Variants in BMPR1B observed in about 807,000 individuals in gnomAD.
BMPR1B encodes bone morphogenetic protein receptor type-1B.
A neutral mutation model predicts 59.1 loss-of-function variants in BMPR1B; 12 were observed. The observed-to-expected ratio is 0.20, with a 90% confidence interval of 0.13 to 0.33. The LOEUF (loss-of-function observed/expected upper bound fraction) is 0.33. Ranked by LOEUF, BMPR1B falls within the 10% of genes least tolerant of loss-of-function variation. The pLI, the probability that BMPR1B is intolerant of heterozygous loss-of-function variation, is 1.00. For missense variants in BMPR1B, 550 were observed against 610.9 expected (o/e 0.90, Z 1.05); for synonymous variants, 237 against 207.3 (o/e 1.14, Z -1.23).
intron 3 of BMPR1B, among the ~76,000 whole-genome samples, chr4:95,097,205 A>G (rs1311379869): frequency 6.7e-6 from 1 of 150,184 alleles, no homozygotes; most frequent in Admixed American, 6.7e-5. Context: ...CTGGATTTAC[A>G]CTGTTTTAAA....
chr4:94,868,769 A>G (rs1726357405), intron 1 of BMPR1B, among the ~76,000 whole-genome samples: 1 of 152,198 alleles, frequency 6.6e-6, no homozygotes. Flanking sequence ...ACTTATTATT[A>G]ATCAAAGGTG....
At chr4:95,144,223 A>G (rs1389301542) in intron 10 of BMPR1B, among the ~76,000 whole-genome samples, 1 of 152,048 alleles carries the variant, frequency 6.6e-6, no homozygotes, top group African/African-American at 2.4e-5. Flanking sequence ...TGCCCAGGCT[A>G]GAGTGCAGTG....
chr4:94,901,291 A>G (rs2149000154), intron 2 of BMPR1B, among the ~76,000 whole-genome samples: 1 of 152,156 alleles, frequency 6.6e-6, no homozygotes, highest in South Asian at 2.1e-4. Flanking sequence ...ACCTGTAAGG[A>G]TAAGCATTGT....
chr4:95,141,682 T>G (rs572902780), intron 10 of BMPR1B, among the ~76,000 whole-genome samples: 124 of 152,282 alleles, frequency 8.1e-4, no homozygotes, highest in African/African-American at 2.9e-3. Flanking sequence ...TGAAGAAACT[T>G]ACAAAGCTTT....
At chr4:95,090,262 T>G (rs1729882094) in intron 3 of BMPR1B, among the ~76,000 whole-genome samples, 1 of 151,896 alleles carries the variant, frequency 6.6e-6, no homozygotes, top group African/African-American at 2.4e-5. Flanking sequence ...GTTTAACATG[T>G]TCTTTAATAT....
At chr4:95,035,867 T>C (rs1247329484) in intron 3 of BMPR1B, among the ~76,000 whole-genome samples, 3 of 152,192 alleles carry the variant, frequency 2.0e-5, no homozygotes, top group Non-Finnish European at 2.9e-5. Context: ...AGATTGCTTT[T>C]GGCAATATGG....
chr4:94,856,302 A>G (rs1725753213), intron 1 of BMPR1B, among the ~76,000 whole-genome samples: 1 of 152,126 alleles, frequency 6.6e-6, no homozygotes. Context: ...ATGCTGTAGC[A>G]TTATCATCAC....
chr4:94,867,379 C>T (rs188970874), intron 1 of BMPR1B, among the ~76,000 whole-genome samples: 179 of 152,222 alleles, frequency 1.2e-3, no homozygotes, highest in African/African-American at 1.4e-3. Context: ...AGTTTATTAC[C>T]GATAAGAGGC....
At chr4:94,888,983 A>G (rs112185904) in intron 2 of BMPR1B, among the ~76,000 whole-genome samples, 10 of 152,142 alleles carry the variant, frequency 6.6e-5, no homozygotes, top group East Asian at 1.9e-4. Flanking sequence ...TAAAATTTCA[A>G]TAGTTTTTAT....
At chr4:95,009,903 A>G (rs1723102999) in intron 3 of BMPR1B, among the ~76,000 whole-genome samples, 1 of 152,226 alleles carries the variant, frequency 6.6e-6, no homozygotes, top group Admixed American at 6.5e-5. Flanking sequence ...GTGGAGAATG[A>G]TGAACTGAAG....
At chr4:94,869,818 AT>A (rs922735849) in intron 1 of BMPR1B, among the ~76,000 whole-genome samples, 1 of 152,100 alleles carries the variant, frequency 6.6e-6, no homozygotes, top group African/African-American at 2.4e-5. Flanking sequence ...TTTGGCCCTT[AT>A]TTTTTCTAAA....
intron 11 of BMPR1B, among the ~76,000 whole-genome samples, chr4:95,151,113 T>C (rs1160700679): frequency 2.6e-5 from 4 of 152,192 alleles, no homozygotes; most frequent in African/African-American, 9.7e-5. Flanking sequence ...ATGTAGGCCT[T>C]TCCATCTTTT....
At chr4:94,798,025 G>C (rs1423387658) in intron 1 of BMPR1B, among the ~76,000 whole-genome samples, 1 of 152,130 alleles carries the variant, frequency 6.6e-6, no homozygotes, top group Admixed American at 6.6e-5. Flanking sequence ...TAATATTTAA[G>C]ATCTACCATT....
chr4:95,106,517 A>C (rs1391877889), intron 4 of BMPR1B, among the ~76,000 whole-genome samples: 2 of 152,036 alleles, frequency 1.3e-5, no homozygotes, highest in Non-Finnish European at 2.9e-5. Context: ...ATGATGGATT[A>C]GATACCATCT....
intron 6 of BMPR1B, among the ~76,000 whole-genome samples, chr4:95,122,400 T>C (rs1011391517): frequency 2.6e-5 from 4 of 152,070 alleles, no homozygotes; most frequent in Non-Finnish European, 5.9e-5. Context: ...ACACTGAATG[T>C]TCCCAACACA....
At chr4:94,763,879 C>T (rs1369715078) in intron 1 of BMPR1B, among the ~76,000 whole-genome samples, 10 of 152,134 alleles carry the variant, frequency 6.6e-5, no homozygotes, top group Non-Finnish European at 1.5e-4. Context: ...AGCTACTTTT[C>T]TGTTTTCCAA....
At chr4:94,924,616 C>G (rs968260092) in intron 2 of BMPR1B, among the ~76,000 whole-genome samples, 2 of 152,138 alleles carry the variant, frequency 1.3e-5, no homozygotes, top group Admixed American at 6.6e-5. Context: ...TTCTCTCCAA[C>G]AAGACAGTCC....
At chr4:95,023,974 A>G (rs138511013) in intron 3 of BMPR1B, among the ~76,000 whole-genome samples, 102 of 152,260 alleles carry the variant, frequency 6.7e-4, no homozygotes, top group African/African-American at 2.4e-3. Flanking sequence ...TAGGTGACCT[A>G]CTCAGAACTG....
intron 3 of BMPR1B, among the ~76,000 whole-genome samples, chr4:95,062,392 T>C (rs1252769863): frequency 6.6e-6 from 1 of 152,186 alleles, no homozygotes; most frequent in Non-Finnish European, 1.5e-5. Context: ...CATAATTTAG[T>C]GATTCTGGGA....
Sources: gnomAD v4.1 joint callset for allele counts (sites outside exome capture counted in the v4.1 genomes callset) on GRCh38, gnomAD v4.1.1 for gene constraint, MANE v1.5 for transcripts, NCBI Gene and HGNC (gene_info 2026-07-23, HGNC 2026-07-21) for gene names.